The following ZNF320 variants were observed in gnomAD, a reference collection of about 807,000 sequenced individuals.
The protein encoded by ZNF320 is zinc finger gene 320.
Under a neutral mutation model 6.8 loss-of-function variants are expected in ZNF320, and 2 were observed. That is an observed-to-expected ratio of 0.29 (90% CI 0.12 to 0.93). The LOEUF (loss-of-function observed/expected upper bound fraction) is 0.93, where lower values mean the gene tolerates loss of function less well. Among genes scored for constraint, ZNF320 ranks in the 40% least tolerant of loss-of-function variants. The pLI is 0.55. For synonymous variants in ZNF320, 208 were observed against 203.2 expected, an observed-to-expected ratio of 1.02 and a Z score of -0.20; for missense variants, 472 against 611.0, an observed-to-expected ratio of 0.77 and a Z score of 2.40.
exon 6 of ZNF320, among the ~76,000 whole-genome samples, chr19:52,863,075 T>A (rs1458541231): frequency 6.6e-6 from 1 of 152,132 alleles, no homozygotes; most frequent in Non-Finnish European, 1.5e-5. Flanking sequence ...TTCTCCTGCC[T>A]CAACCTTTCG....
intron 4 of ZNF320, among the ~76,000 whole-genome samples, chr19:52,889,964 C>T (rs182234816): frequency 3.6e-4 from 55 of 152,324 alleles, no homozygotes; most frequent in African/African-American, 1.3e-3. Flanking sequence ...TGCTACCCAA[C>T]AGCACTGACA....
At chr19:52,887,793 G>C (rs2046040864) in intron 5 of ZNF320, among the ~76,000 whole-genome samples, 1 of 151,976 alleles carries the variant, frequency 6.6e-6, no homozygotes, top group Admixed American at 6.6e-5. Context: ...CACCATGTTG[G>C]CCAGGCTGGT....
rs769011265 is a variant in ZNF320 at position 52,890,263 on chromosome 19, T to A, written c.-8A>T. Reference sequence around the variant, plus strand: ...CACCTGAGAAAGAGCCATCCCCGACTCCTTTGCTTTCCTCTTCCTCTTCTG... The same window carrying A: ...CACCTGAGAAAGAGCCATCCCCGACACCTTTGCTTTCCTCTTCCTCTTCTG... On this transcript the variant is annotated 5_prime_UTR_variant, in exon 4 of 6. Coordinates refer to ENST00000682928, the MANE Select transcript of ZNF320 (RefSeq NM_001351774.2). The A allele has an allele frequency of 1.9e-6, 3 of 1,606,948 alleles. No homozygotes were observed. The South Asian group carries it at 3.3e-5, about 18-fold the overall frequency.
intron 5 of ZNF320, among the ~76,000 whole-genome samples, chr19:52,885,740 A>G (rs1405870196): frequency 6.6e-6 from 1 of 151,518 alleles, no homozygotes; most frequent in South Asian, 2.1e-4. Context: ...AATAAATAAA[A>G]CAATAAAAAT....
Position 52,888,144 on chromosome 19 carries a change from C to T in ZNF320, c.125G>A (p.Arg42Lys). 1.3e-6 allele frequency: 2 copies of T among 1,579,288 alleles called. No homozygotes were observed. Among genetic ancestry groups the T allele is most frequent in the Non-Finnish European group, 1.7e-6 (2 of 1,169,318 alleles). Residue 42 changes from arginine to lysine, a missense_variant, in exon 5 of 6, where the codon AGG (arginine) becomes AAG (lysine). Physicochemically the swap from Arg to Lys is conservative, Grantham distance 26 (BLOSUM62 2). Coordinates refer to ENST00000682928, the MANE Select transcript of ZNF320 (RefSeq NM_001351774.2). ...ATCCTCACCCAGGGAGACCAGGTTC[C>T]TATAATTCTCCAGCATCACGTCTCT... ...LYRDVMLENY[R>K]NLVSLDISSK...
At chr19:52,870,477 C>CAAAA (rs35010241) in intron 5 of ZNF320, among the ~76,000 whole-genome samples, 3 of 89,474 alleles carry the variant, frequency 3.4e-5, no homozygotes, top group Admixed American at 1.3e-4. Flanking sequence ...GACTCCGTCT[C>CAAAA]AAAAAAAAAA....
chr19:52,899,221 T>C (rs895176028), upstream of ZNF320, among the ~76,000 whole-genome samples: 10 of 152,194 alleles, frequency 6.6e-5, no homozygotes, highest in African/African-American at 2.4e-4. Context: ...ATAACTCTTA[T>C]TATAAGAGTT....
rs11288723 is a variant in ZNF320 at position 52,876,798 on chromosome 19, A to AT, written c.*3797dup. On this transcript the variant is annotated 3_prime_UTR_variant, in exon 6 of 6. Coordinates refer to ENST00000682928, the MANE Select transcript of ZNF320 (RefSeq NM_001351774.2). ...AGGCATGAGCCAGAGCACCTGGTCTATTTTTTTTTTTTTAAATTAAGAAAC... is the reference window on the plus strand; with the variant it reads ...AGGCATGAGCCAGAGCACCTGGTCTATTTTTTTTTTTTTTAAATTAAGAAAC... 136 of 140,396 alleles carry AT rather than the reference A, an allele frequency of 9.7e-4. No homozygotes were observed. Among genetic ancestry groups the AT allele is most frequent in the Admixed American group, 1.6e-3 (22 of 14,054 alleles). 8.7% of individuals were successfully genotyped at this position (140,396 alleles called of 1,614,324 possible).
chr19:52,875,077 C>T (rs2063741751), downstream of ZNF320, among the ~76,000 whole-genome samples: 1 of 152,192 alleles, frequency 6.6e-6, no homozygotes, highest in Non-Finnish European at 1.5e-5. Flanking sequence ...TTTCTCACTC[C>T]TTTCATGTAT....
chr19:52,872,662 C>A (rs1397062880), downstream of ZNF320, among the ~76,000 whole-genome samples: 1 of 152,104 alleles, frequency 6.6e-6, no homozygotes, highest in African/African-American at 2.4e-5. Flanking sequence ...CCACCGGGCC[C>A]GGCTAATTTT....
At chr19:52,869,352 G>A (rs1421980628) in intron 5 of ZNF320, among the ~76,000 whole-genome samples, 1 of 152,022 alleles carries the variant, frequency 6.6e-6, no homozygotes, top group Admixed American at 6.6e-5. Context: ...AATATACCAA[G>A]TATAGATTCC....
Position 52,890,307 on chromosome 19 carries a change from C to A in ZNF320, c.-52G>T. 6.3e-7 allele frequency: 1 copy of A among 1,594,196 alleles called. No homozygotes were observed. Among genetic ancestry groups the A allele is most frequent in the Non-Finnish European group, 8.5e-7 (1 of 1,172,868 alleles). ...TCTTCTGGGTTTCTTCCTCAGGTACCAAGAGTCTTTAGAAGTCAATCCTAA... is the reference window on the plus strand; with the variant it reads ...TCTTCTGGGTTTCTTCCTCAGGTACAAAGAGTCTTTAGAAGTCAATCCTAA... On this transcript the variant is annotated 5_prime_UTR_variant, in exon 4 of 6. Transcript: ENST00000682928.
downstream of ZNF320, among the ~76,000 whole-genome samples, chr19:52,871,727 T>C (rs952685586): frequency 5.9e-5 from 9 of 152,106 alleles, no homozygotes; most frequent in Non-Finnish European, 1.2e-4. Flanking sequence ...TCTAGGTGCT[T>C]AAAACACTGA....
At chr19:52,882,378 A>C (rs2063949045) in intron 5 of ZNF320, among the ~76,000 whole-genome samples, 1 of 152,250 alleles carries the variant, frequency 6.6e-6, no homozygotes, top group Non-Finnish European at 1.5e-5. Context: ...AATGTTAAAA[A>C]ACCAGACAAT....
chr19:52,900,327 AT>A (rs1193990435), upstream of ZNF320, among the ~76,000 whole-genome samples: 2 of 152,076 alleles, frequency 1.3e-5, no homozygotes, highest in Non-Finnish European at 2.9e-5. Flanking sequence ...TGATGAGTGA[AT>A]TTTTTTCTTT....
chr19:52,893,395 A>G (rs1268220449), intron 2 of ZNF320: 1 of 150,960 alleles, frequency 6.6e-6, no homozygotes, highest in Non-Finnish European at 1.5e-5. Context: ...TCATGCCTGT[A>G]ATCCCAGCAC....
rs757969591 is a variant in ZNF320, at chr19:52,881,804, C to T, written c.322G>A (p.Asp108Asn). 21 of 1,613,688 alleles carry T rather than the reference C, an allele frequency of 1.3e-5. No individual in the cohort carries two copies. The Admixed American group carries it at 3.3e-4, about 26-fold the overall frequency. ...VFQWQEDETN[D>N]HEAPMTEIKK... ...ATTTCTGTCATGGGTGCTTCATGGT[C>T]ATTTGTTTCATCTTCTTGCCACTGA... The change falls in exon 6 of 6, where the codon GAC (aspartate) becomes AAC (asparagine). Residue 108 changes from aspartate to asparagine, a missense_variant. By Grantham distance (23) the Asp-to-Asn change is conservative. Transcript: ENST00000682928.
intron 5 of ZNF320, among the ~76,000 whole-genome samples, chr19:52,866,197 T>C (rs1020737129): frequency 2.8e-5 from 3 of 106,518 alleles, no homozygotes; most frequent in African/African-American, 8.2e-5. Flanking sequence ...TATATTTATA[T>C]ATATGATTAT....
chr19:52,876,569 C>A lies in ZNF320; in HGVS notation c.*4027G>T, dbSNP rs1397603934. 1 of 152,178 alleles carries A rather than the reference C, an allele frequency of 6.6e-6. No individual in the cohort carries two copies. The highest frequency in any genetic ancestry group is 1.5e-5 in the Non-Finnish European group (1 of 68,042). 9.4% of individuals were successfully genotyped at this position (152,178 alleles called of 1,614,324 possible). ...CCAGAGTGCAGTTGCAGGATCTCAG[C>A]TCACTGCAACCTCCGCCTCCCGAAT... On this transcript the variant is annotated 3_prime_UTR_variant, in exon 6 of 6. Transcript: ENST00000682928.
Sources: gnomAD v4.1 joint callset for allele counts (sites outside exome capture counted in the v4.1 genomes callset) on GRCh38, gnomAD v4.1.1 for gene constraint, MANE v1.5 for transcripts, NCBI Gene and HGNC (gene_info 2026-07-23, HGNC 2026-07-21) for gene names.